The following DNM3 variants were observed in gnomAD, a reference collection of about 807,000 sequenced individuals.
DNM3 encodes the protein dynamin 3.
DNM3 carries 47 observed loss-of-function variants against 101.6 expected under a neutral mutation model. That is an observed-to-expected ratio of 0.46 (90% CI 0.37 to 0.59). The LOEUF (loss-of-function observed/expected upper bound fraction) is 0.59. Ranked by LOEUF, DNM3 falls within the 20% of genes least tolerant of loss-of-function variation. DNM3 has a pLI of 0.00. For missense variants in DNM3, 849 were observed against 1,085.7 expected (o/e 0.78, Z 3.06); for synonymous variants, 385 against 387.9 (o/e 0.99, Z 0.09).
chr1:172,396,091 C>A (rs1349186744), intron 20 of DNM3, among the ~76,000 whole-genome samples: 1 of 152,200 alleles, frequency 6.6e-6, no homozygotes, highest in Non-Finnish European at 1.5e-5. Context: ...CACAGCCACG[C>A]AATAGGCAAA....
At chr1:171,883,399 AC>A (rs2036477013) in intron 1 of DNM3, among the ~76,000 whole-genome samples, 2 of 116,702 alleles carry the variant, frequency 1.7e-5, no homozygotes, top group African/African-American at 6.4e-5. Context: ...ACACACACAC[AC>A]ACACACACAC....
At chr1:172,108,580 AGCATTCACTAATTAGG>A (rs1409941971) in intron 13 of DNM3, among the ~76,000 whole-genome samples, 6 of 152,220 alleles carry the variant, frequency 3.9e-5, no homozygotes, top group Non-Finnish European at 1.5e-5. Context: ...AAACATGTGG[AGCATTCACTAATTAGG>A]GAATGAAATG....
intron 19 of DNM3, 57 bp downstream of exon 19, chr1:172,387,416 G>A (rs1005637574): frequency 1.4e-6 from 2 of 1,441,790 alleles, no homozygotes; most frequent in Middle Eastern, 2.4e-4. Flanking sequence ...CCAGCACTTT[G>A]AGAGGCCGAG....
intron 15 of DNM3, among the ~76,000 whole-genome samples, chr1:172,286,491 A>G (rs1290773701): frequency 1.3e-5 from 2 of 152,230 alleles, no homozygotes. Flanking sequence ...GCCCAAGTAG[A>G]CACATGACCT....
At chr1:172,133,214 T>C (rs2057035553) in intron 14 of DNM3, 2 of 1,192,284 alleles carry the variant, frequency 1.7e-6, no homozygotes, top group South Asian at 3.1e-5. Flanking sequence ...TTGGAAGGTA[T>C]AGGATGCTCT....
At chr1:172,094,927 A>G (rs544259580) in intron 13 of DNM3, among the ~76,000 whole-genome samples, 17 of 152,218 alleles carry the variant, frequency 1.1e-4, no homozygotes, top group Non-Finnish European at 2.1e-4. Context: ...TAGGAAAATC[A>G]ATAGTATAAT....
At chr1:172,314,293 C>G (rs568677584) in intron 16 of DNM3, among the ~76,000 whole-genome samples, 1 of 152,216 alleles carries the variant, frequency 6.6e-6, no homozygotes, top group East Asian at 1.9e-4. Flanking sequence ...CGGTCTACAG[C>G]TCCCAGCGTG....
At chr1:171,862,269 T>G (rs1012892787) in intron 1 of DNM3, among the ~76,000 whole-genome samples, 1 of 152,160 alleles carries the variant, frequency 6.6e-6, no homozygotes, top group African/African-American at 2.4e-5. Flanking sequence ...AATATGTACA[T>G]GCAAAAACTT....
chr1:172,367,779 G>T (rs2068098940), intron 17 of DNM3, among the ~76,000 whole-genome samples: 1 of 151,794 alleles, frequency 6.6e-6, no homozygotes, highest in Non-Finnish European at 1.5e-5. Flanking sequence ...AACCCAAAAT[G>T]AGCAGGAGTA....
At chr1:172,029,637 G>A (rs907587145) in intron 4 of DNM3, among the ~76,000 whole-genome samples, 1 of 152,160 alleles carries the variant, frequency 6.6e-6, no homozygotes, top group Non-Finnish European at 1.5e-5. Flanking sequence ...CAGATGACAT[G>A]ATTATATATT....
At chr1:172,338,976 T>C (rs2066567401) in intron 17 of DNM3, 3 of 432,096 alleles carry the variant, frequency 6.9e-6, no homozygotes, top group Admixed American at 2.9e-5. Flanking sequence ...TACTAAATAA[T>C]ATTAACTTGT....
At chr1:172,301,416 C>T (rs1341182092) in intron 15 of DNM3, among the ~76,000 whole-genome samples, 1 of 152,008 alleles carries the variant, frequency 6.6e-6, no homozygotes, top group Non-Finnish European at 1.5e-5. Context: ...GTGGAAGGAT[C>T]ACTTGAGCCC....
intron 11 of DNM3, among the ~76,000 whole-genome samples, chr1:172,073,391 A>G (rs1168071762): frequency 6.6e-6 from 1 of 152,156 alleles, no homozygotes; most frequent in Non-Finnish European, 1.5e-5. Context: ...ATATGCATAT[A>G]GGTATATATG....
chr1:171,946,105 TCATATTCTGA>T (rs1558308300), intron 2 of DNM3, among the ~76,000 whole-genome samples: 17 of 152,154 alleles, frequency 1.1e-4, no homozygotes, highest in African/African-American at 4.1e-4. Context: ...ACAAGGACCA[TCATATTCTGA>T]TTTACATTTT....
chr1:172,198,532 A>T (rs985590920), intron 14 of DNM3, among the ~76,000 whole-genome samples: 1 of 125,132 alleles, frequency 8.0e-6, no homozygotes, highest in Non-Finnish European at 1.6e-5. Flanking sequence ...CTGTGAATCC[A>T]TCAGGTCCTG....
At chr1:172,234,160 A>G (rs1333047773) in intron 14 of DNM3, among the ~76,000 whole-genome samples, 2 of 152,184 alleles carry the variant, frequency 1.3e-5, no homozygotes, top group African/African-American at 2.4e-5. Flanking sequence ...TCAGCCCAAA[A>G]TCTCCTTAAG....
chr1:172,252,105 G>C (rs1312509827), intron 14 of DNM3, among the ~76,000 whole-genome samples: 1 of 152,014 alleles, frequency 6.6e-6, no homozygotes, highest in Non-Finnish European at 1.5e-5. Flanking sequence ...GTTTATTGTT[G>C]AGCCTCTCTC....
intron 15 of DNM3, among the ~76,000 whole-genome samples, chr1:172,288,742 C>T (rs2063791886): frequency 6.6e-6 from 1 of 152,140 alleles, no homozygotes; most frequent in Non-Finnish European, 1.5e-5. Context: ...AAGAAGCTGC[C>T]ATTTACTAGT....
intron 4 of DNM3, among the ~76,000 whole-genome samples, chr1:172,015,269 C>T (rs977100052): frequency 6.6e-6 from 1 of 152,092 alleles, no homozygotes; most frequent in African/African-American, 2.4e-5. Flanking sequence ...CTTCTCCATA[C>T]AAAACTTAGA....
Sources: allele counts gnomAD v4.1 joint callset (sites outside exome capture counted in the v4.1 genomes callset), GRCh38; gene constraint gnomAD v4.1.1; transcripts MANE v1.5; gene names NCBI Gene and HGNC (gene_info 2026-07-23, HGNC 2026-07-21).